GALNT17: variants seen among roughly 807,000 people sequenced by gnomAD.
GALNT17 encodes the protein UDP-GalNAc:polypeptide N-acetylgalactosaminyltransferase-like 3.
Under a neutral mutation model 63.7 loss-of-function variants are expected in GALNT17, and 29 were observed. That is an observed-to-expected ratio of 0.46 (90% CI 0.34 to 0.62). The LOEUF is 0.62. Among genes scored for constraint, GALNT17 ranks in the 20% least tolerant of loss-of-function variants. The pLI is 0.01. For missense variants in GALNT17, 603 were observed against 799.6 expected, an observed-to-expected ratio of 0.75 and a Z score of 2.97; for synonymous variants, 305 against 318.3, an observed-to-expected ratio of 0.96 and a Z score of 0.45.
intron 5 of GALNT17, among the ~76,000 whole-genome samples, chr7:71,468,687 G>A (rs950532429): frequency 3.3e-5 from 5 of 152,026 alleles, no homozygotes; most frequent in African/African-American, 1.2e-4. Context: ...AAAGTGCTGG[G>A]ATTACAGGTG....
Position 71,665,612 on chromosome 7 carries a change from C to G in GALNT17, c.1266+16C>G. 2 of 1,610,412 alleles carry G rather than the reference C, an allele frequency of 1.2e-6. No individual in the cohort carries two copies. Among genetic ancestry groups the G allele is most frequent in the Non-Finnish European group, 1.7e-6 (2 of 1,178,666 alleles). ...GCCGCTGGAGGTAGGGATCACCAGC[C>G]TTTCCCCACCACCCCAGTACAGTGA... On this transcript the variant is annotated intron_variant, in intron 7 of 10. Coordinates refer to ENST00000333538, the MANE Select transcript of GALNT17 (RefSeq NM_022479.3).
At chr7:71,259,887 C>A (rs78049675) in intron 1 of GALNT17, among the ~76,000 whole-genome samples, 8,411 of 151,924 alleles carry the variant, frequency 0.055, 315 homozygotes, top group East Asian at 0.16. Flanking sequence ...GTGATCCACC[C>A]GCCTCGGCCT....
rs564178921 is a variant in GALNT17 at position 71,506,469 on chromosome 7, A to G, written c.963-64816A>G. The stretch of plus-strand genomic sequence containing the variant: ...TTTAGTAGAGACTGGGTTTCACCAT[A>G]TTGGCCAGGCTGGTCTCAAACACCT... On this transcript the variant is annotated intron_variant, in intron 5 of 10. Coordinates refer to ENST00000333538, the MANE Select transcript of GALNT17 (RefSeq NM_022479.3). Among the ~76,000 whole-genome samples, 13 of 151,974 alleles carry G rather than the reference A, an allele frequency of 8.6e-5. No homozygotes were observed. In the East Asian group the frequency reaches 1.6e-3, roughly 18 times the overall value.
Position 71,488,771 on chromosome 7 carries a change from G to T in GALNT17, c.962+67666G>T, listed in dbSNP as rs188867447. Among the ~76,000 whole-genome samples the T allele has an allele frequency of 4.1e-4, 60 of 146,316 alleles. No individual in the cohort carries two copies. In the East Asian group the frequency reaches 9.2e-3, roughly 22 times the overall value. ...ATTTTTTTGTATTTTTAGTAGAGACGGGGTTTCACTATGTTGGCCAGGCTG... is the reference window on the plus strand; with the variant it reads ...ATTTTTTTGTATTTTTAGTAGAGACTGGGTTTCACTATGTTGGCCAGGCTG... On this transcript the variant is annotated intron_variant, in intron 5 of 10. Coordinates refer to ENST00000333538, the MANE Select transcript of GALNT17 (RefSeq NM_022479.3).
chr7:71,617,799 T>G (rs1790236631), intron 6 of GALNT17, among the ~76,000 whole-genome samples: 1 of 152,042 alleles, frequency 6.6e-6, no homozygotes, highest in African/African-American at 2.4e-5. Flanking sequence ...CTTGCCACCA[T>G]GTCTGGCTAA....
intron 2 of GALNT17, among the ~76,000 whole-genome samples, chr7:71,354,687 C>T (rs1792250974): frequency 6.6e-6 from 1 of 152,088 alleles, no homozygotes; most frequent in Non-Finnish European, 1.5e-5. Context: ...TCTCTCTCTG[C>T]TTTCCTTAAG....
intron 5 of GALNT17, 132 bp downstream of exon 5, chr7:71,421,237 G>A (rs565089948): frequency 3.0e-5 from 27 of 903,092 alleles, no homozygotes; most frequent in Non-Finnish European, 4.1e-5. Context: ...AGGAGCCGCC[G>A]TTGTCTCAGG....
intron 1 of GALNT17, among the ~76,000 whole-genome samples, chr7:71,249,559 A>G (rs1417315943): frequency 6.6e-6 from 1 of 152,228 alleles, no homozygotes; most frequent in Non-Finnish European, 1.5e-5. Flanking sequence ...ATTTAATAGC[A>G]TAGGAAACCT....
intron 4 of GALNT17, 79 bp downstream of exon 4, chr7:71,416,142 A>AT (rs1793522549): frequency 6.8e-7 from 1 of 1,480,798 alleles, no homozygotes; most frequent in African/African-American, 1.4e-5. Context: ...GAGGTGGGAC[A>AT]TTTCACCTGT....
intron 1 of GALNT17, among the ~76,000 whole-genome samples, chr7:71,332,306 T>C (rs1178767441): frequency 6.6e-6 from 1 of 151,918 alleles, no homozygotes; most frequent in African/African-American, 2.4e-5. Flanking sequence ...AAAAAAAAAA[T>C]CCAGTCTTTC....
intron 5 of GALNT17, among the ~76,000 whole-genome samples, chr7:71,494,324 T>C (rs1788058790): frequency 6.6e-6 from 1 of 152,020 alleles, no homozygotes; most frequent in Non-Finnish European, 1.5e-5. Flanking sequence ...GGGATTATAA[T>C]TCGATAAGAG....
chr7:71,379,778 G>C (rs969621674), intron 2 of GALNT17, among the ~76,000 whole-genome samples: 2 of 152,082 alleles, frequency 1.3e-5, no homozygotes, highest in Non-Finnish European at 2.9e-5. Flanking sequence ...TTTACAAGGG[G>C]GAGCTGAAGT....
chr7:71,561,427 A>G (rs1789254255), intron 5 of GALNT17, among the ~76,000 whole-genome samples: 1 of 152,202 alleles, frequency 6.6e-6, no homozygotes, highest in Non-Finnish European at 1.5e-5. Context: ...CATTCATACC[A>G]GGACAACTCC....
intron 6 of GALNT17, among the ~76,000 whole-genome samples, chr7:71,625,054 A>G (rs1295791389): frequency 6.6e-6 from 1 of 152,210 alleles, no homozygotes; most frequent in Non-Finnish European, 1.5e-5. Context: ...AAAAGCTCTC[A>G]GGATCCCCAC....
At chr7:71,440,030 C>T (rs1040880589) in intron 5 of GALNT17, among the ~76,000 whole-genome samples, 15 of 149,810 alleles carry the variant, frequency 1.0e-4, no homozygotes, top group South Asian at 2.1e-4. Flanking sequence ...ATTGCAGCCT[C>T]GCTTCCTGGG....
chr7:71,675,066 C>A (rs1390507212), intron 8 of GALNT17, among the ~76,000 whole-genome samples: 1 of 152,140 alleles, frequency 6.6e-6, no homozygotes, highest in Non-Finnish European at 1.5e-5. Flanking sequence ...TGCCTGTAAT[C>A]CCAGCTACTC....
At position 71,424,945 on chromosome 7, in the gene GALNT17, A is replaced by G. The variant is rs935523881; in HGVS notation, c.962+3840A>G. Among the ~76,000 whole-genome samples, 3 of 152,292 alleles carry G rather than the reference A, an allele frequency of 2.0e-5. No homozygotes were observed. The East Asian group carries it at 5.8e-4, about 29-fold the overall frequency. ...TAGGAGATTTGCATTAAGGGAATTG[A>G]TAATTCCTTCTGTTTCAGTTCTTTT... On this transcript the variant is annotated intron_variant, in intron 5 of 10. Coordinates refer to ENST00000333538, the MANE Select transcript of GALNT17 (RefSeq NM_022479.3).
intron 5 of GALNT17, among the ~76,000 whole-genome samples, chr7:71,515,281 A>C (rs1337377512): frequency 6.6e-6 from 1 of 152,138 alleles, no homozygotes; most frequent in African/African-American, 2.4e-5. Flanking sequence ...CTGGGACTAC[A>C]CATCTCCCTC....
At chr7:71,138,202 G>A (rs1338224373) in intron 1 of GALNT17, among the ~76,000 whole-genome samples, 2 of 152,260 alleles carry the variant, frequency 1.3e-5, no homozygotes, top group East Asian at 3.9e-4. Flanking sequence ...GCTGGGCATG[G>A]TGGTGCACAC....
Sources: allele counts gnomAD v4.1 joint callset (sites outside exome capture counted in the v4.1 genomes callset), GRCh38; gene constraint gnomAD v4.1.1; transcripts MANE v1.5; gene names NCBI Gene and HGNC (gene_info 2026-07-23, HGNC 2026-07-21).